Variants in PDGFRB observed in about 807,000 individuals in gnomAD.
PDGFRB encodes the protein platelet derived growth factor receptor beta.
A neutral mutation model predicts 120.2 loss-of-function variants in PDGFRB; 42 were observed. The ratio of observed to expected loss-of-function variants is 0.35; its 90% CI spans 0.27 to 0.45. The LOEUF (loss-of-function observed/expected upper bound fraction) is 0.45, where lower values mean the gene tolerates loss of function less well. Among genes scored for constraint, PDGFRB ranks in the 20% least tolerant of loss-of-function variants. PDGFRB has a pLI of 1.00. For synonymous variants in PDGFRB, 586 were observed against 606.8 expected, an observed-to-expected ratio of 0.97 and a Z score of 0.50; for missense variants, 1,149 against 1,476.3, an observed-to-expected ratio of 0.78 and a Z score of 3.63.
At chr5:150,141,050 A>G (rs567417729) in intron 1 of PDGFRB, among the ~76,000 whole-genome samples, 37 of 152,226 alleles carry the variant, frequency 2.4e-4, no homozygotes, top group African/African-American at 7.9e-4. Context: ...GCACATACAC[A>G]CAGCACAGAT....
At chr5:150,125,198 C>T (rs938043405) in intron 12 of PDGFRB, among the ~76,000 whole-genome samples, 1 of 152,190 alleles carries the variant, frequency 6.6e-6, no homozygotes, top group Non-Finnish European at 1.5e-5. Context: ...TGTCCTCAAT[C>T]CTTCCACTTT....
Position 150,133,648 on chromosome 5 carries a change from C to T in PDGFRB, c.872G>A (p.Cys291Tyr). 1 of 1,614,044 alleles carries T rather than the reference C, an allele frequency of 6.2e-7. No homozygotes were observed. The highest frequency in any genetic ancestry group is 1.1e-5 in the South Asian group (1 of 91,074). The change falls in exon 6 of 23, where the codon TGC becomes TAC. Residue 291 changes from cysteine (C) to tyrosine (Y), a missense_variant. Transcript: ENST00000261799. The stretch of plus-strand genomic sequence containing the variant: ...GTCATTCACACTCTCCGTCACATTG[C>T]AGGTGTAGGTCCCCGAGTCTTCTAA... ...AELEDSGTYT[C>Y]NVTESVNDHQ...
Position 150,118,917 on chromosome 5 carries a change from G to A in PDGFRB, c.2799-65C>T, listed in dbSNP as rs1760048723. 19 of 951,282 alleles carry A rather than the reference G, an allele frequency of 2.0e-5. No homozygotes were observed. In the South Asian group the frequency reaches 2.3e-4, roughly 12 times the overall value. The allele number at this position is 951,282 out of a possible 1,614,324, so 58.9% of individuals were successfully genotyped here. On this transcript the variant is annotated intron_variant, in intron 20 of 22. Transcript: ENST00000261799. ...TTCAGGGGACAAGGCAGGGCTGGGGGAGCAGGAGGCTGCTGCCTCTCAGAA... is the reference window on the plus strand; with the variant it reads ...TTCAGGGGACAAGGCAGGGCTGGGGAAGCAGGAGGCTGCTGCCTCTCAGAA...
chr5:150,131,189 C>A (rs1464654189), intron 8 of PDGFRB, among the ~76,000 whole-genome samples: 2 of 152,174 alleles, frequency 1.3e-5, no homozygotes, highest in African/African-American at 4.8e-5. Flanking sequence ...ATAGTAAAAG[C>A]CAAAGTCTGC....
Position 150,123,030 on chromosome 5 carries a change from C to T in PDGFRB, c.2183+12G>A, listed in dbSNP as rs747839370. 5 of 1,610,912 alleles carry T rather than the reference C, an allele frequency of 3.1e-6. No individual in the cohort carries two copies. The highest frequency in any genetic ancestry group is 4.2e-6 in the Non-Finnish European group (5 of 1,178,802). On this transcript the variant is annotated intron_variant, in intron 15 of 22. Transcript: ENST00000261799. ...ATCCCAAAGATTCAGTCCCTGGCCT[C>T]CCTCCTGGTACCTGGGCAGGGGGAG...
chr5:150,142,947 A>G (rs1384989426), intron 1 of PDGFRB, among the ~76,000 whole-genome samples: 1 of 152,122 alleles, frequency 6.6e-6, no homozygotes, highest in East Asian at 1.9e-4. Context: ...TGGCGTAAGA[A>G]TTGTGAAGTA....
chr5:150,116,732 G>A (rs1410738605), intron 22 of PDGFRB, among the ~76,000 whole-genome samples: 1 of 152,180 alleles, frequency 6.6e-6, no homozygotes, highest in Non-Finnish European at 1.5e-5. Context: ...CTCAAGCTGT[G>A]TGAGCGCTGC....
At chr5:150,141,469 G>C (rs138130616) in intron 1 of PDGFRB, among the ~76,000 whole-genome samples, 33 of 152,356 alleles carry the variant, frequency 2.2e-4, no homozygotes, top group African/African-American at 7.7e-4. Flanking sequence ...CTGAGGCAGA[G>C]AGCATTTAAT....
In PDGFRB at chr5:150,122,246, GA is replaced by G. The variant is rs975526283; in HGVS notation, c.2184-207del. 20 of 560,960 alleles carry G rather than the reference GA, an allele frequency of 3.6e-5. No individual in the cohort carries two copies. In the African/African-American group the frequency reaches 3.8e-4, roughly 11 times the overall value. The allele number at this position is 560,960 out of a possible 1,614,324, so 34.7% of individuals were successfully genotyped here. On this transcript the variant is annotated intron_variant, in intron 15 of 22. Transcript: ENST00000261799. ...ACTGAGGCTACCAAAATGACAGTTAGAACCCAGAGAGCTCACACCCAGAGGC... is the reference window on the plus strand; with the variant it reads ...ACTGAGGCTACCAAAATGACAGTTAGACCCAGAGAGCTCACACCCAGAGGC...
intron 13 of PDGFRB, 178 bp from the exon 14 acceptor site, chr5:150,124,538 C>T (rs530192801): frequency 4.6e-5 from 29 of 626,038 alleles, no homozygotes; most frequent in East Asian, 2.7e-4. Flanking sequence ...GGAAGCAGGC[C>T]GAGGAGGCCA....
chr5:150,124,274 G>A lies in PDGFRB; in HGVS notation c.1999C>T (p.Leu667=), dbSNP rs748552750. Residue 667 remains leucine, a synonymous_variant, in exon 14 of 23, where the codon CTG becomes TTG. Transcript: ENST00000261799. ...CCTCCTTTGGTGCAGGCCCCCAACAGGTTGACCACGTTCAGGTGGGGCCCA... is the reference window on the plus strand; with the variant it reads ...CCTCCTTTGGTGCAGGCCCCCAACAAGTTGACCACGTTCAGGTGGGGCCCA... The part of the protein sequence containing the change: ...HLGPHLNVVN[L]LGACTKGGPI... 4 of 1,613,668 alleles carry A rather than the reference G, an allele frequency of 2.5e-6. No homozygotes were observed. The highest frequency in any genetic ancestry group is 1.1e-5 in the South Asian group (1 of 91,076).
At position 150,132,777 on chromosome 5, in the gene PDGFRB, A is replaced by G; in HGVS notation, c.1100T>C (p.Leu367Pro). 1 of 1,613,236 alleles carries G rather than the reference A, an allele frequency of 6.2e-7. No individual in the cohort carries two copies. Among genetic ancestry groups the G allele is most frequent in the East Asian group, 2.2e-5 (1 of 44,852 alleles). Reference sequence around the variant, plus strand: ...GGTCTCCGACACGTTGCGCGTGGACAGGGCGATTTCGCCAGCGCTGGAGTC... The same window carrying G: ...GGTCTCCGACACGTTGCGCGTGGACGGGGCGATTTCGCCAGCGCTGGAGTC... ...LGDSSAGEIA[L>P]STRNVSETRY... Residue 367 changes from leucine (L) to proline (P), a missense_variant, in exon 7 of 23, where the codon CTG (leucine) becomes CCG (proline). By Grantham distance (98) the Leu-to-Pro change is moderately conservative. This residue lies in a region of PDGFRB where 879 missense variants were observed against 1,108.6 expected (regional missense o/e 0.79). Coordinates refer to ENST00000261799, the MANE Select transcript of PDGFRB (RefSeq NM_002609.4). This position sits in a 1 kb window ranked among gnomAD's most constrained non-coding sequence, Gnocchi z 5.0.
chr5:150,151,702 A>C (rs1761081384), intron 1 of PDGFRB, among the ~76,000 whole-genome samples: 1 of 152,034 alleles, frequency 6.6e-6, no homozygotes, highest in African/African-American at 2.4e-5. Flanking sequence ...TGTACTAAAA[A>C]TATAAAAATT....
chr5:150,128,003 C>T (rs769097382), intron 10 of PDGFRB, among the ~76,000 whole-genome samples: 1 of 152,124 alleles, frequency 6.6e-6, no homozygotes, highest in Non-Finnish European at 1.5e-5. Context: ...TTACCCTTAC[C>T]TATCCTCGCC....
Position 150,132,597 on chromosome 5 carries a change from C to T in PDGFRB, c.1127+153G>A, listed in dbSNP as rs1191388717. Among the ~76,000 whole-genome samples the T allele has an allele frequency of 6.6e-6, 1 of 152,286 alleles. No homozygotes were observed. The highest frequency in any genetic ancestry group is 2.4e-5 in the African/African-American group (1 of 41,472). ...GACTAGAAACTCTAGGAGGGATGAA[C>T]TGTCAGCTCTGGTCGCTGCAGCATC... On this transcript the variant is annotated intron_variant, in intron 7 of 22. Coordinates refer to ENST00000261799, the MANE Select transcript of PDGFRB (RefSeq NM_002609.4). This position sits in a 1 kb window ranked among gnomAD's most constrained non-coding sequence, Gnocchi z 5.0.
intron 15 of PDGFRB, among the ~76,000 whole-genome samples, chr5:150,122,557 T>C (rs1418551631): frequency 6.6e-6 from 1 of 152,272 alleles, no homozygotes; most frequent in Admixed American, 6.5e-5. Flanking sequence ...TTAAGGTCTT[T>C]TACGCTTTTC....
Position 150,115,753 on chromosome 5 carries a change from G to C in PDGFRB, c.*10C>G. On this transcript the variant is annotated 3_prime_UTR_variant, in exon 23 of 23. Transcript: ENST00000261799. Reference sequence around the variant, plus strand: ...GGAGCTTCAGGCAGGGCAGGGTAGGGGCCAGCCCCCTACAGGAAGCTATCC... The same window carrying C: ...GGAGCTTCAGGCAGGGCAGGGTAGGCGCCAGCCCCCTACAGGAAGCTATCC... 6.3e-7 allele frequency: 1 copy of C among 1,586,432 alleles called. No individual in the cohort carries two copies. The highest frequency in any genetic ancestry group is 8.6e-7 in the Non-Finnish European group (1 of 1,165,476).
intron 1 of PDGFRB, among the ~76,000 whole-genome samples, chr5:150,145,024 C>T (rs1446788351): frequency 2.0e-5 from 3 of 152,208 alleles, no homozygotes; most frequent in Admixed American, 6.5e-5. Flanking sequence ...GTGAATGTTC[C>T]ACACATGTGA....
rs1005749503 is a variant in PDGFRB at position 150,117,859 on chromosome 5, G to C, written c.2905-9C>G. The C allele has an allele frequency of 1.9e-6, 3 of 1,542,218 alleles. No individual in the cohort carries two copies. The highest frequency in any genetic ancestry group is 2.7e-6 in the Non-Finnish European group (3 of 1,120,488). The stretch of plus-strand genomic sequence containing the variant: ...TCCACCTGCTGGTACTTCTGCTCCC[G>C]GGGCAGGGAGAACCAAAGAAACAGG... On this transcript the variant is annotated splice_polypyrimidine_tract_variant and intron_variant, in intron 21 of 22. Coordinates refer to ENST00000261799, the MANE Select transcript of PDGFRB (RefSeq NM_002609.4).
Sources: allele counts gnomAD v4.1 joint callset (sites outside exome capture counted in the v4.1 genomes callset), GRCh38; gene constraint gnomAD v4.1.1; regional missense constraint gnomAD v4.1.1; non-coding constraint Gnocchi (gnomAD v3.1); transcripts MANE v1.5; gene names NCBI Gene and HGNC (gene_info 2026-07-23, HGNC 2026-07-21).